The following OXNAD1 variants were observed in gnomAD, a reference collection of about 807,000 sequenced individuals.
OXNAD1 encodes oxidoreductase NAD-binding domain-containing protein 1.
A neutral mutation model predicts 32.9 loss-of-function variants in OXNAD1; 34 were observed. That is an observed-to-expected ratio of 1.03 (90% confidence interval 0.79 to 1.38). The LOEUF is 1.38. Among genes scored for constraint, OXNAD1 ranks in the 40% most tolerant of loss-of-function variants. OXNAD1 has a pLI of 0.00. For synonymous variants in OXNAD1, 134 were observed against 135.2 expected, an observed-to-expected ratio of 0.99 and a Z score of 0.06; for missense variants, 407 against 379.4, an observed-to-expected ratio of 1.07 and a Z score of -0.60.
intron 9 of OXNAD1, among the ~76,000 whole-genome samples, chr3:16,323,110 A>G (rs567541): frequency 0.58 from 88,671 of 151,964 alleles, 26,113 homozygotes; most frequent in African/African-American, 0.67. Context: ...GGGAATATCT[A>G]GCAGGCTGAA....
Position 16,280,746 on chromosome 3 carries a change from G to A in OXNAD1, c.184-5596G>A, listed in dbSNP as rs1446927989. Among the ~76,000 whole-genome samples the A allele has an allele frequency of 6.6e-6, 1 of 152,262 alleles. No individual in the cohort carries two copies. The highest frequency in any genetic ancestry group is 1.5e-5 in the Non-Finnish European group (1 of 68,016). ...CTGTACAGAGACTTTTGCACCAGCGGTAACATCAAAATATCCTACATAAAA... is the reference window on the plus strand; with the variant it reads ...CTGTACAGAGACTTTTGCACCAGCGATAACATCAAAATATCCTACATAAAA... On this transcript the variant is annotated intron_variant, in intron 4 of 8. Coordinates refer to ENST00000285083, the MANE Select transcript of OXNAD1 (RefSeq NM_138381.5). The surrounding 1 kb of genome is among the most constrained non-coding windows in gnomAD (Gnocchi z 4.5).
In OXNAD1 at chr3:16,271,946, A is replaced by C. The variant is rs148127400; in HGVS notation, c.183+224A>C. On this transcript the variant is annotated intron_variant, in intron 4 of 8. Coordinates refer to ENST00000285083, the MANE Select transcript of OXNAD1 (RefSeq NM_138381.5). This position sits in a 1 kb window ranked among gnomAD's most constrained non-coding sequence, Gnocchi z 4.6. ...CCTTTAAACTTGGAATGAATGGATTACCTTTTGATGAAGCAAGTAGAGCAG... is the reference window on the plus strand; with the variant it reads ...CCTTTAAACTTGGAATGAATGGATTCCCTTTTGATGAAGCAAGTAGAGCAG... Among the ~76,000 whole-genome samples the C allele has an allele frequency of 2.0e-3, 300 of 152,312 alleles. 1 individual carries two copies. Among genetic ancestry groups the C allele is most frequent in the Admixed American group, 5.1e-3 (78 of 15,304 alleles).
Position 16,316,658 on chromosome 3 carries a change from C to G in OXNAD1, c.*30+13066C>G. ...TCCAGTGGATGTGCAAAAACCAACA[C>G]TGTCAGGAACCTGGCCCTGGGAGGG... On this transcript the variant is annotated intron_variant, in intron 9 of 9. Transcript: ENST00000435829. This position sits in a 1 kb window ranked among gnomAD's most constrained non-coding sequence, Gnocchi z 4.5. 1.4e-6 allele frequency: 1 copy of G among 736,210 alleles called. No individual in the cohort carries two copies. The highest frequency in any genetic ancestry group is 2.3e-6 in the Non-Finnish European group (1 of 429,888). 45.6% of individuals were successfully genotyped at this position (736,210 alleles called of 1,614,324 possible).
intron 9 of OXNAD1, among the ~76,000 whole-genome samples, chr3:16,324,063 G>A (rs1402466313): frequency 6.6e-6 from 1 of 152,198 alleles, no homozygotes; most frequent in Non-Finnish European, 1.5e-5. Context: ...AGGACCTGGA[G>A]CTGCCTCTAA....
intron 1 of OXNAD1, among the ~76,000 whole-genome samples, chr3:16,268,428 C>T (rs2064705389): frequency 7.1e-6 from 1 of 140,902 alleles, no homozygotes; most frequent in Non-Finnish European, 1.5e-5. Flanking sequence ...CTCCCAGGTT[C>T]AAGCGATTCT....
chr3:16,280,744 C>T lies in OXNAD1; in HGVS notation c.184-5598C>T, dbSNP rs746826493. Among the ~76,000 whole-genome samples the T allele has an allele frequency of 1.4e-4, 22 of 152,166 alleles. No individual in the cohort carries two copies. Among genetic ancestry groups the T allele is most frequent in the African/African-American group, 3.6e-4 (15 of 41,528 alleles). ...TCCTGTACAGAGACTTTTGCACCAGCGGTAACATCAAAATATCCTACATAA... is the reference window on the plus strand; with the variant it reads ...TCCTGTACAGAGACTTTTGCACCAGTGGTAACATCAAAATATCCTACATAA... On this transcript the variant is annotated intron_variant, in intron 4 of 8. Coordinates refer to ENST00000285083, the MANE Select transcript of OXNAD1 (RefSeq NM_138381.5). The surrounding 1 kb of genome is among the most constrained non-coding windows in gnomAD (Gnocchi z 4.5).
chr3:16,274,153 C>T (rs1272012968), intron 4 of OXNAD1, among the ~76,000 whole-genome samples: 5 of 136,954 alleles, frequency 3.7e-5, no homozygotes, highest in African/African-American at 1.4e-4. Context: ...TCCAATAAAT[C>T]ACTGTACTAT....
At chr3:16,313,763 G>C (rs995413868) in intron 9 of OXNAD1, 9 of 152,124 alleles carry the variant, frequency 5.9e-5, no homozygotes, top group Non-Finnish European at 4.4e-5. Flanking sequence ...CCAAAGCCCA[G>C]CTGGGCTTTT....
chr3:16,317,159 C>T lies in OXNAD1; in HGVS notation c.*30+13567C>T. The T allele has an allele frequency of 6.2e-7, 1 of 1,613,710 alleles. No individual in the cohort carries two copies. The highest frequency in any genetic ancestry group is 2.2e-5 in the East Asian group (1 of 44,848). On this transcript the variant is annotated intron_variant, in intron 9 of 9. Coordinates refer to the OXNAD1 transcript ENST00000435829. This position sits in a 1 kb window ranked among gnomAD's most constrained non-coding sequence, Gnocchi z 4.3. ...ATTTTCTTCTGCTTGTTGTTTGTCT[C>T]TGGCACTGAGTTTACCTTTTGATTT...
intron 4 of OXNAD1, among the ~76,000 whole-genome samples, 162 bp from the exon 5 acceptor site, chr3:16,286,180 G>C (rs986451444): frequency 6.6e-6 from 1 of 152,214 alleles, no homozygotes; most frequent in Non-Finnish European, 1.5e-5. Flanking sequence ...GTATTCACAT[G>C]GTGGTAGGCT....
Position 16,269,173 on chromosome 3 carries a change from C to T in OXNAD1, c.-111C>T, listed in dbSNP as rs1158931370. 1 of 1,519,258 alleles carries T rather than the reference C, an allele frequency of 6.6e-7. No homozygotes were observed. 94.1% of individuals were successfully genotyped at this position (1,519,258 alleles called of 1,614,324 possible). A position where few individuals can be genotyped will look rare whatever the true frequency, so the allele number is the denominator to read the frequency against. On this transcript the variant is annotated 5_prime_UTR_variant, in exon 2 of 9. Coordinates refer to ENST00000285083, the MANE Select transcript of OXNAD1 (RefSeq NM_138381.5). ...CATGGAAAAGCTGTCCATGTTCCAA[C>T]TGCTGTACATCCAAAAGTCTCAGTG...
chr3:16,303,654 T>C lies in OXNAD1; in HGVS notation c.*92T>C, dbSNP rs1007372372. ...CATGATTAATTTTTTTTATCTCTAC[T>C]TGAGTTGTCTTATTTTTTAAGGCTA... On this transcript the variant is annotated 3_prime_UTR_variant, in exon 9 of 9. Coordinates refer to ENST00000285083, the MANE Select transcript of OXNAD1 (RefSeq NM_138381.5). The surrounding 1 kb of genome is among the most constrained non-coding windows in gnomAD (Gnocchi z 4.8). The C allele has an allele frequency of 1.7e-5, 22 of 1,329,758 alleles. No individual in the cohort carries two copies. Among genetic ancestry groups the C allele is most frequent in the African/African-American group, 3.0e-5 (2 of 66,786 alleles). 82.4% of individuals were successfully genotyped at this position (1,329,758 alleles called of 1,614,324 possible). A position where few individuals can be genotyped will look rare whatever the true frequency, so the allele number is the denominator to read the frequency against.
chr3:16,327,164 T>C lies in OXNAD1; in HGVS notation c.*31-9948T>C, dbSNP rs537231023. 1.3e-5 allele frequency among the ~76,000 whole-genome samples: 2 copies of C among 152,328 alleles called. No homozygotes were observed. Among genetic ancestry groups the C allele is most frequent in the African/African-American group, 2.4e-5 (1 of 41,584 alleles). On this transcript the variant is annotated intron_variant, in intron 9 of 9. Transcript: ENST00000435829. The surrounding 1 kb of genome is among the most constrained non-coding windows in gnomAD (Gnocchi z 4.2). ...TTGATTCTTGTCTGGACAAATAGCC[T>C]CCTGTGAGTTTCACTGACGAAGCAT...
In OXNAD1 at chr3:16,288,112, T is replaced by TGGTC. The variant is rs1388099781; in HGVS notation, c.290+1665_290+1668dup. ...GAGTTCCTTTTGATATTTGACCTTA[T>TGGTC]GGTCACAGAATGGCCATTTTGCTGA... On this transcript the variant is annotated intron_variant, in intron 5 of 8. Transcript: ENST00000285083. This position sits in a 1 kb window ranked among gnomAD's most constrained non-coding sequence, Gnocchi z 5.1. Among the ~76,000 whole-genome samples the TGGTC allele has an allele frequency of 6.6e-6, 1 of 152,184 alleles. No individual in the cohort carries two copies. Among genetic ancestry groups the TGGTC allele is most frequent in the Non-Finnish European group, 1.5e-5 (1 of 68,030 alleles).
rs1417914499 is a variant in OXNAD1 at position 16,265,606 on chromosome 3, CT to C, written c.-159+102del. On this transcript the variant is annotated intron_variant, in intron 1 of 8. Transcript: ENST00000285083. This position sits in a 1 kb window ranked among gnomAD's most constrained non-coding sequence, Gnocchi z 4.8. The stretch of plus-strand genomic sequence containing the variant: ...AAGGCAGGGATTGAGTTCTAGTCTT[CT>C]GTTTGCCAGGCTTATAACATTATTA... 1.3e-5 allele frequency: 2 copies of C among 152,518 alleles called. No individual in the cohort carries two copies. The highest frequency in any genetic ancestry group is 1.3e-4 in the Admixed American group (2 of 15,272). 9.4% of individuals were successfully genotyped at this position (152,518 alleles called of 1,614,324 possible).
At chr3:16,338,242 C>A (rs954445688), downstream of OXNAD1, among the ~76,000 whole-genome samples, 7 of 152,152 alleles carry the variant, frequency 4.6e-5, no homozygotes, top group Non-Finnish European at 8.8e-5. This position sits in a 1 kb window ranked among gnomAD's most constrained non-coding sequence, Gnocchi z 5.3. Flanking sequence ...GGGTGTCTGC[C>A]CACACACACC....
In OXNAD1 at chr3:16,277,325, T is replaced by A. The variant is rs1286938832; in HGVS notation, c.183+5603T>A. On this transcript the variant is annotated intron_variant, in intron 4 of 8. Coordinates refer to ENST00000285083, the MANE Select transcript of OXNAD1 (RefSeq NM_138381.5). The surrounding 1 kb of genome is among the most constrained non-coding windows in gnomAD (Gnocchi z 4.3). Reference sequence around the variant, plus strand: ...GAAAGCTAGATGGTATCTGGCTTTCTCAGCAGTATATGGTCATTAGGAACT... The same window carrying A: ...GAAAGCTAGATGGTATCTGGCTTTCACAGCAGTATATGGTCATTAGGAACT... Among the ~76,000 whole-genome samples the A allele has an allele frequency of 6.6e-6, 1 of 152,172 alleles. No homozygotes were observed. The highest frequency in any genetic ancestry group is 1.5e-5 in the Non-Finnish European group (1 of 68,032).
chr3:16,272,820 T>G (rs1238710982), intron 4 of OXNAD1, among the ~76,000 whole-genome samples: 1 of 151,926 alleles, frequency 6.6e-6, no homozygotes, highest in Non-Finnish European at 1.5e-5. Flanking sequence ...TTAGGATTTC[T>G]TTTTATAAAA....
At chr3:16,333,552 CTCATT>C (rs1035155555) in intron 9 of OXNAD1, among the ~76,000 whole-genome samples, 1 of 152,160 alleles carries the variant, frequency 6.6e-6, no homozygotes, top group African/African-American at 2.4e-5. Flanking sequence ...TCCAATCCCC[CTCATT>C]TAATAAAATG....
Sources: allele counts gnomAD v4.1 joint callset (sites outside exome capture counted in the v4.1 genomes callset), GRCh38; gene constraint gnomAD v4.1.1; non-coding constraint Gnocchi (gnomAD v3.1); transcripts MANE v1.5; gene names NCBI Gene and HGNC (gene_info 2026-07-23, HGNC 2026-07-21).